GAREM1: variants seen among roughly 807,000 people sequenced by gnomAD.
GAREM1 encodes the protein GRB2 associated regulator of MAPK1 subtype 1.
Under a neutral mutation model 71.3 loss-of-function variants are expected in GAREM1, and 26 were observed. The ratio of observed to expected loss-of-function variants is 0.36; its 90% CI spans 0.27 to 0.51. The LOEUF is 0.51. Ranked by LOEUF, GAREM1 falls within the 20% of genes least tolerant of loss-of-function variation. The pLI is 0.95. For missense variants in GAREM1, 1,026 were observed against 1,103.1 expected (o/e 0.93, Z 0.99); for synonymous variants, 440 against 433.2 (o/e 1.02, Z -0.20).
rs574196198 is a variant in GAREM1 at position 32,325,012 on chromosome 18, G to C, written c.263-14689C>G. Among the ~76,000 whole-genome samples, 5 of 152,310 alleles carry C rather than the reference G, an allele frequency of 3.3e-5. No homozygotes were observed. In the South Asian group the frequency reaches 1.0e-3, roughly 32 times the overall value. ...GTGTAGCCCAGGCTGGAGTGCAGTG[G>C]TGCGATCTTGGCTCACTGCAACCTC... On this transcript the variant is annotated intron_variant, in intron 2 of 5. Coordinates refer to ENST00000269209, the MANE Select transcript of GAREM1 (RefSeq NM_001242409.2).
intron 2 of GAREM1, among the ~76,000 whole-genome samples, chr18:32,390,367 T>G (rs2048184172): frequency 6.6e-6 from 1 of 152,178 alleles, no homozygotes; most frequent in Admixed American, 6.5e-5. Flanking sequence ...CTACCTAAAC[T>G]TCTTGTTGAA....
At chr18:32,412,419 T>C (rs1458936603) in intron 1 of GAREM1, 12 of 1,585,512 alleles carry the variant, frequency 7.6e-6, no homozygotes, top group African/African-American at 5.4e-5. Flanking sequence ...ACCTCCAAAA[T>C]TGCTTCCATC....
In GAREM1 at chr18:32,463,026, C is replaced by G. The variant is rs2048966540; in HGVS notation, c.121+7282G>C. The stretch of plus-strand genomic sequence containing the variant: ...TACTGCACAGTGGGGTGACTACAGT[C>G]AACAACAGGTATTGCATATCTCAAA... On this transcript the variant is annotated intron_variant, in intron 1 of 5. Coordinates refer to ENST00000269209, the MANE Select transcript of GAREM1 (RefSeq NM_001242409.2). Among the ~76,000 whole-genome samples the G allele has an allele frequency of 4.0e-5, 6 of 151,554 alleles. No individual in the cohort carries two copies. In the South Asian group the frequency reaches 1.3e-3, roughly 32 times the overall value.
intron 3 of GAREM1, among the ~76,000 whole-genome samples, chr18:32,290,642 G>GAAAA (rs586596): frequency 2.6e-5 from 2 of 75,630 alleles, no homozygotes; most frequent in Middle Eastern, 9.8e-3. Context: ...CAGACTGTCT[G>GAAAA]AAAAAAAAAA....
intron 2 of GAREM1, among the ~76,000 whole-genome samples, chr18:32,374,704 G>C (rs1032142582): frequency 2.0e-5 from 3 of 152,082 alleles, no homozygotes; most frequent in Non-Finnish European, 2.9e-5. Context: ...ACTTTCCATG[G>C]GAAATAAGAC....
intron 2 of GAREM1, among the ~76,000 whole-genome samples, chr18:32,350,249 TAA>T (rs1351352385): frequency 2.0e-5 from 3 of 152,202 alleles, no homozygotes; most frequent in Non-Finnish European, 4.4e-5. Context: ...GACATGTTTT[TAA>T]AAGTCTATTT....
At chr18:32,461,433 T>C (rs528387561) in intron 1 of GAREM1, among the ~76,000 whole-genome samples, 1 of 152,264 alleles carries the variant, frequency 6.6e-6, no homozygotes, top group African/African-American at 2.4e-5. Context: ...TGGTGGCTCA[T>C]ACCTGTAATT....
intron 2 of GAREM1, among the ~76,000 whole-genome samples, chr18:32,327,159 G>C (rs1282092623): frequency 6.6e-6 from 1 of 152,118 alleles, no homozygotes; most frequent in Non-Finnish European, 1.5e-5. Context: ...TTTTCATTTT[G>C]TGGCTGTAAA....
At chr18:32,448,394 C>A (rs1276270218) in intron 1 of GAREM1, among the ~76,000 whole-genome samples, 1 of 152,178 alleles carries the variant, frequency 6.6e-6, no homozygotes, top group Non-Finnish European at 1.5e-5. Flanking sequence ...GTGACCACAT[C>A]CCCGATCATG....
intron 2 of GAREM1, among the ~76,000 whole-genome samples, chr18:32,382,528 A>G (rs984104701): frequency 6.6e-6 from 1 of 152,116 alleles, no homozygotes; most frequent in Non-Finnish European, 1.5e-5. Flanking sequence ...CTGCTGGAGG[A>G]TGATGCTTGT....
chr18:32,378,068 G>A (rs767134525), intron 2 of GAREM1, among the ~76,000 whole-genome samples: 2 of 149,690 alleles, frequency 1.3e-5, no homozygotes, highest in Non-Finnish European at 3.0e-5. Flanking sequence ...GCGCGCGGGC[G>A]CTTTGGAGGA....
chr18:32,439,970 T>A (rs1354764834), intron 1 of GAREM1, among the ~76,000 whole-genome samples: 1 of 152,244 alleles, frequency 6.6e-6, no homozygotes, highest in Non-Finnish European at 1.5e-5. Flanking sequence ...AAATTGCATC[T>A]TGGCCTAGTC....
rs546424082 is a variant in GAREM1, at chr18:32,465,681, C to G, written c.121+4627G>C. Among the ~76,000 whole-genome samples, 6 of 152,326 alleles carry G rather than the reference C, an allele frequency of 3.9e-5. No individual in the cohort carries two copies. The East Asian group carries it at 7.7e-4, about 20-fold the overall frequency. On this transcript the variant is annotated intron_variant, in intron 1 of 5. Coordinates refer to ENST00000269209, the MANE Select transcript of GAREM1 (RefSeq NM_001242409.2). Reference sequence around the variant, plus strand: ...TTGTGCTAGACCAGCATTCTTTAAACTGGGGTACATGTTTGGGGCAAAGCT... The same window carrying G: ...TTGTGCTAGACCAGCATTCTTTAAAGTGGGGTACATGTTTGGGGCAAAGCT...
chr18:32,363,716 T>A (rs1176446940), intron 2 of GAREM1, among the ~76,000 whole-genome samples: 2 of 151,892 alleles, frequency 1.3e-5, no homozygotes, highest in Admixed American at 1.3e-4. Context: ...ACTGTGAACT[T>A]TTTGAGACAA....
chr18:32,404,754 C>T (rs963889003), intron 1 of GAREM1, among the ~76,000 whole-genome samples: 1 of 152,028 alleles, frequency 6.6e-6, no homozygotes, highest in African/African-American at 2.4e-5. Context: ...TCCTCATTAG[C>T]CTGGTTTTTT....
chr18:32,301,429 A>C (rs2047200926), intron 3 of GAREM1, among the ~76,000 whole-genome samples: 1 of 152,248 alleles, frequency 6.6e-6, no homozygotes, highest in Admixed American at 6.5e-5. Context: ...CAATCCTCTA[A>C]GATGGATCCT....
intron 1 of GAREM1, among the ~76,000 whole-genome samples, chr18:32,414,131 C>T (rs777268866): frequency 2.0e-5 from 3 of 151,932 alleles, no homozygotes; most frequent in South Asian, 4.2e-4. Flanking sequence ...GATAAAAGGT[C>T]GCTATTTGCA....
chr18:32,303,176 A>C (rs2047216989), intron 3 of GAREM1, among the ~76,000 whole-genome samples: 1 of 152,200 alleles, frequency 6.6e-6, no homozygotes. Context: ...GAAAGTATGG[A>C]TCTCACTAAC....
intron 2 of GAREM1, among the ~76,000 whole-genome samples, chr18:32,333,222 A>G (rs2144560472): frequency 6.6e-6 from 1 of 151,590 alleles, no homozygotes; most frequent in Non-Finnish European, 1.5e-5. Context: ...GAGGAGGTGG[A>G]AGAGAGACAA....
Sources: gnomAD v4.1 joint callset for allele counts (sites outside exome capture counted in the v4.1 genomes callset) on GRCh38, gnomAD v4.1.1 for gene constraint, MANE v1.5 for transcripts, NCBI Gene and HGNC (gene_info 2026-07-23, HGNC 2026-07-21) for gene names.